The following NRG2 variants were observed in gnomAD, a reference collection of about 807,000 sequenced individuals.
NRG2 encodes pro-neuregulin-2, membrane-bound isoform.
In NRG2, 27 loss-of-function variants were observed where a neutral mutation model predicts 73.9. The observed-to-expected ratio is 0.37, with a 90% CI of 0.27 to 0.50. The LOEUF (loss-of-function observed/expected upper bound fraction) is 0.50, where lower values mean the gene tolerates loss of function less well. NRG2 is among the 20% of genes least tolerant of loss of function. The pLI, the probability that NRG2 is intolerant of heterozygous loss-of-function variation, is 0.96. For missense variants in NRG2, 1,126 were observed against 1,210.1 expected (o/e 0.93, Z 1.03); for synonymous variants, 532 against 541.0 (o/e 0.98, Z 0.23).
intron 1 of NRG2, among the ~76,000 whole-genome samples, chr5:139,968,428 A>G (rs1422734281): frequency 6.6e-6 from 1 of 152,200 alleles, no homozygotes; most frequent in Admixed American, 6.5e-5. Flanking sequence ...CCTATAGAGA[A>G]GAGGCCTGTA....
chr5:139,916,091 A>G (rs1304573228), intron 1 of NRG2, among the ~76,000 whole-genome samples: 2 of 152,176 alleles, frequency 1.3e-5, no homozygotes, highest in Admixed American at 6.5e-5. Flanking sequence ...AATGGAGCAG[A>G]GTCTGGAGGC....
chr5:139,988,062 C>T (rs529493794), intron 1 of NRG2, among the ~76,000 whole-genome samples: 3 of 152,088 alleles, frequency 2.0e-5, no homozygotes, highest in Non-Finnish European at 2.9e-5. Context: ...GCGTGAGCCA[C>T]CACGCCCAGC....
chr5:139,938,880 GAAGGAAAGAA>G (rs1478345445), intron 1 of NRG2, among the ~76,000 whole-genome samples: 17 of 77,966 alleles, frequency 2.2e-4, no homozygotes, highest in South Asian at 6.4e-4. Flanking sequence ...GAGAGAGAGA[GAAGGAAAGAA>G]AGAAAGAAAG....
rs969972818 is a variant in NRG2 at position 139,852,205 on chromosome 5, T to C, written c.1544+227A>G. Among the ~76,000 whole-genome samples, 1 of 152,152 alleles carries C rather than the reference T, an allele frequency of 6.6e-6. No individual in the cohort carries two copies. On this transcript the variant is annotated intron_variant, in intron 8 of 9. Transcript: ENST00000361474. This position sits in a 1 kb window ranked among gnomAD's most constrained non-coding sequence, Gnocchi z 4.4. ...GAGGGCCCTGACTATTTCCTGGTGCTCCCGAGGGAAGAAGGGAGCCAGCCA... is the reference window on the plus strand; with the variant it reads ...GAGGGCCCTGACTATTTCCTGGTGCCCCCGAGGGAAGAAGGGAGCCAGCCA...
chr5:139,936,228 A>G (rs1035923279), intron 1 of NRG2, among the ~76,000 whole-genome samples: 1 of 152,130 alleles, frequency 6.6e-6, no homozygotes, highest in Non-Finnish European at 1.5e-5. Context: ...GAAAAAATCA[A>G]TGAAGCTAAA....
At chr5:139,857,429 C>T (rs1335417083) in intron 5 of NRG2, among the ~76,000 whole-genome samples, 1 of 152,146 alleles carries the variant, frequency 6.6e-6, no homozygotes, top group African/African-American at 2.4e-5. Flanking sequence ...TCCCATCAGA[C>T]ATGGATGAGA....
intron 1 of NRG2, among the ~76,000 whole-genome samples, chr5:139,994,742 A>G (rs1026263826): frequency 6.6e-6 from 1 of 152,220 alleles, no homozygotes; most frequent in Non-Finnish European, 1.5e-5. Context: ...TGTGCACTCA[A>G]GAGGTCTGGG....
chr5:139,913,581 G>A (rs4912936), intron 1 of NRG2, among the ~76,000 whole-genome samples: 28,511 of 152,198 alleles, frequency 0.19, 2,984 homozygotes, highest in South Asian at 0.27. Context: ...CCCTATGAGA[G>A]CCTTTGTGCC....
At chr5:139,863,629 C>T (rs1403880258) in intron 5 of NRG2, among the ~76,000 whole-genome samples, 1 of 152,250 alleles carries the variant, frequency 6.6e-6, no homozygotes, top group African/African-American at 2.4e-5. Context: ...GGAATATTGC[C>T]CCACTGTCTC....
At chr5:140,017,382 G>C (rs968326823) in intron 1 of NRG2, among the ~76,000 whole-genome samples, 11 of 152,000 alleles carry the variant, frequency 7.2e-5, no homozygotes, top group Non-Finnish European at 1.6e-4. Flanking sequence ...GAAGTGAAAA[G>C]GTCTCCAACT....
chr5:139,848,330 C>T lies in NRG2; in HGVS notation c.2140G>A (p.Glu714Lys). The T allele has an allele frequency of 6.6e-6, 8 of 1,208,022 alleles. No individual in the cohort carries two copies. The highest frequency in any genetic ancestry group is 7.2e-6 in the Non-Finnish European group (7 of 975,040). 74.8% of individuals were successfully genotyped at this position (1,208,022 alleles called of 1,614,324 possible). A position where few individuals can be genotyped will look rare whatever the true frequency, so the allele number is the denominator to read the frequency against. Residue 714 changes from glutamate to lysine, a missense_variant, in exon 10 of 10, where the codon GAG becomes AAG. Glu to Lys is a moderately conservative substitution (Grantham distance 56). Transcript: ENST00000361474. The part of the protein sequence containing the change: ...PFRIPEDDEY[E>K]TTQECAPPPP... The stretch of plus-strand genomic sequence containing the variant: ...GGGGGCGCGCACTCCTGCGTGGTCT[C>T]GTACTCGTCGTCCTCGGGGATGCGG...
chr5:139,957,152 ACACC>A (rs1230757864), intron 1 of NRG2, among the ~76,000 whole-genome samples: 43 of 152,220 alleles, frequency 2.8e-4, no homozygotes, highest in African/African-American at 1.0e-3. Context: ...TCCTGCCTGC[ACACC>A]TCTCTTGGTT....
At chr5:139,969,646 C>T (rs1177459304) in intron 1 of NRG2, among the ~76,000 whole-genome samples, 2 of 152,220 alleles carry the variant, frequency 1.3e-5, no homozygotes, top group Non-Finnish European at 2.9e-5. Flanking sequence ...ATTGAATCAA[C>T]TCTATGCTCA....
At chr5:139,972,957 C>T (rs556526608) in intron 1 of NRG2, among the ~76,000 whole-genome samples, 5 of 152,114 alleles carry the variant, frequency 3.3e-5, no homozygotes, top group East Asian at 3.9e-4. Flanking sequence ...AATGAAATAA[C>T]GTTTTGCATA....
rs542435368 is a variant in NRG2 at position 139,961,649 on chromosome 5, C to G, written c.701-74138G>C. Among the ~76,000 whole-genome samples the G allele has an allele frequency of 9.8e-5, 15 of 152,304 alleles. No homozygotes were observed. The South Asian group carries it at 3.1e-3, about 32-fold the overall frequency. On this transcript the variant is annotated intron_variant, in intron 1 of 9. Transcript: ENST00000361474. ...CTCCTGGGGAACTTCTCATGGGAGGCTGACCAGAGAACAGGGCCATTCCCA... is the reference window on the plus strand; with the variant it reads ...CTCCTGGGGAACTTCTCATGGGAGGGTGACCAGAGAACAGGGCCATTCCCA...
At chr5:139,848,771 TAG>T in intron 9 of NRG2, 74 bp from the exon 10 acceptor site, 2 of 54,658 alleles carry the variant, frequency 3.7e-5, no homozygotes, top group East Asian at 2.7e-4. Context: ...GGGGGTGGGG[TAG>T]GGTGGGAGGG....
rs1338324310 is a variant in NRG2 at position 139,915,727 on chromosome 5, G to A, written c.701-28216C>T. Among the ~76,000 whole-genome samples the A allele has an allele frequency of 1.3e-5, 2 of 152,220 alleles. No homozygotes were observed. The highest frequency in any genetic ancestry group is 4.8e-5 in the African/African-American group (2 of 41,462). Reference sequence around the variant, plus strand: ...TTAAAAGATTATGAAAGGCTGTGTGGTAAATTCTAGACGATCAGCTAGTTA... The same window carrying A: ...TTAAAAGATTATGAAAGGCTGTGTGATAAATTCTAGACGATCAGCTAGTTA... On this transcript the variant is annotated intron_variant, in intron 1 of 9. Transcript: ENST00000361474. This position sits in a 1 kb window ranked among gnomAD's most constrained non-coding sequence, Gnocchi z 4.0.
chr5:139,855,866 A>G (rs2127013309), intron 5 of NRG2, 88 bp from the exon 6 acceptor site: 1 of 1,014,384 alleles, frequency 9.9e-7, no homozygotes, highest in Non-Finnish European at 1.5e-6. Context: ...CCCCAAAGCC[A>G]TAGGCTCTCC....
chr5:139,905,101 T>C (rs1215200165), intron 1 of NRG2, among the ~76,000 whole-genome samples: 6 of 152,176 alleles, frequency 3.9e-5, no homozygotes, highest in African/African-American at 1.4e-4. Context: ...GTGCCCCAGG[T>C]GGCTTGTAGC....
Sources: allele counts gnomAD v4.1 joint callset (sites outside exome capture counted in the v4.1 genomes callset), GRCh38; gene constraint gnomAD v4.1.1; non-coding constraint Gnocchi (gnomAD v3.1); transcripts MANE v1.5; gene names NCBI Gene and HGNC (gene_info 2026-07-23, HGNC 2026-07-21).